HHIPL1: variants seen among roughly 807,000 people sequenced by gnomAD.
HHIPL1 encodes HHIP like 1, also known as HHIP-like protein 1.
HHIPL1 carries 43 observed loss-of-function variants against 61.8 expected under a neutral mutation model. That is an observed-to-expected ratio of 0.70 (90% CI 0.55 to 0.90). The LOEUF is 0.90. Ranked by LOEUF, HHIPL1 falls within the 40% of genes least tolerant of loss-of-function variation. The pLI is 0.00. For missense variants in HHIPL1, 1,056 were observed against 1,157.7 expected (o/e 0.91, Z 1.28); for synonymous variants, 482 against 515.8 (o/e 0.93, Z 0.89).
chr14:99,631,091 T>TCTTTCTTC, the HHIPL1 span, among the ~76,000 whole-genome samples: 431 of 146,270 alleles, frequency 2.9e-3, 2 homozygotes, highest in Non-Finnish European at 4.9e-3. Flanking sequence ...TTTCTTTCTT[T>TCTTTCTTC]CTTTCTTTCT....
chr14:99,651,129 G>GTCCCAGCTAC (rs1464525110), intron 1 of HHIPL1, among the ~76,000 whole-genome samples: 1 of 152,128 alleles, frequency 6.6e-6, no homozygotes, highest in Non-Finnish European at 1.5e-5. Flanking sequence ...CTCGCCTGTA[G>GTCCCAGCTAC]TCCCAGCTAC....
chr14:99,637,415 T>C, the HHIPL1 span, among the ~76,000 whole-genome samples: 4 of 144,792 alleles, frequency 2.8e-5, no homozygotes, highest in African/African-American at 7.4e-5. Context: ...AAAAAACAAA[T>C]AACATAATCA....
At chr14:99,674,829 A>G (rs1457941105) in intron 8 of HHIPL1, among the ~76,000 whole-genome samples, 5 of 152,136 alleles carry the variant, frequency 3.3e-5, no homozygotes, top group African/African-American at 9.7e-5. Context: ...GGCACAAAGC[A>G]GTTGATAGTG....
chr14:99,669,293 T>A, intron 7 of HHIPL1: 1 of 1,031,444 alleles, frequency 9.7e-7, no homozygotes, highest in Non-Finnish European at 1.2e-6. Flanking sequence ...TTCTCAGCCC[T>A]TAGATTTTCG....
At chr14:99,672,746 G>A (rs1371337426) in intron 8 of HHIPL1, among the ~76,000 whole-genome samples, 1 of 152,178 alleles carries the variant, frequency 6.6e-6, no homozygotes, top group East Asian at 1.9e-4. Flanking sequence ...CTGGCATATG[G>A]GCTGGGCCTT....
intron 1 of HHIPL1, among the ~76,000 whole-genome samples, chr14:99,648,060 C>T (rs146268279): frequency 1.3e-5 from 2 of 152,208 alleles, no homozygotes; most frequent in African/African-American, 4.8e-5. Context: ...TCTTCCTGAG[C>T]CTGTTAGGAG....
In HHIPL1 at chr14:99,668,793, C is replaced by A. The variant is rs1215860211; in HGVS notation, c.1730+490C>A. 1 of 1,608,756 alleles carries A rather than the reference C, an allele frequency of 6.2e-7. No individual in the cohort carries two copies. Reference sequence around the variant, plus strand: ...TTCCACTGGGGAAAACACATTGGGGCTCCCTTCGCCGGCTCCATCTCCCCG... The same window carrying A: ...TTCCACTGGGGAAAACACATTGGGGATCCCTTCGCCGGCTCCATCTCCCCG... On this transcript the variant is annotated intron_variant, in intron 7 of 8. Transcript: ENST00000330710. This position sits in a 1 kb window ranked among gnomAD's most constrained non-coding sequence, Gnocchi z 4.7.
intron 6 of HHIPL1, among the ~76,000 whole-genome samples, chr14:99,667,586 G>C (rs2056265925): frequency 6.6e-6 from 1 of 151,986 alleles, no homozygotes; most frequent in Non-Finnish European, 1.5e-5. Flanking sequence ...AGAGGGGCTA[G>C]GACCTACACT....
chr14:99,609,188 G>T, the HHIPL1 span, among the ~76,000 whole-genome samples: 4 of 152,156 alleles, frequency 2.6e-5, no homozygotes, highest in Admixed American at 2.0e-4. Context: ...CATGTCATTA[G>T]CTCAGTCTCC....
the HHIPL1 span, among the ~76,000 whole-genome samples, chr14:99,611,617 T>C: frequency 6.9e-6 from 1 of 144,642 alleles, no homozygotes; most frequent in South Asian, 2.3e-4. Flanking sequence ...AAAGAAAGAT[T>C]GGTTCTCACT....
the HHIPL1 span, among the ~76,000 whole-genome samples, chr14:99,638,014 C>T: frequency 6.6e-6 from 1 of 152,206 alleles, no homozygotes; most frequent in East Asian, 1.9e-4. Flanking sequence ...CTAAAGGGAG[C>T]GTGGTCAAAT....
intron 7 of HHIPL1, among the ~76,000 whole-genome samples, 161 bp from the exon 8 acceptor site, chr14:99,672,156 G>T (rs1268596375): frequency 1.3e-5 from 2 of 152,248 alleles, no homozygotes; most frequent in Non-Finnish European, 2.9e-5. Context: ...AATCCTGGGG[G>T]CATGGAGTGG....
At chr14:99,637,095 G>A in the HHIPL1 span, among the ~76,000 whole-genome samples, 7,517 of 61,818 alleles carry the variant, frequency 0.12, 638 homozygotes, top group African/African-American at 0.13. Flanking sequence ...AAAGAAAGAA[G>A]GAAGGAAAAA....
At chr14:99,623,123 C>A in the HHIPL1 span, among the ~76,000 whole-genome samples, 2 of 152,180 alleles carry the variant, frequency 1.3e-5, no homozygotes, top group Non-Finnish European at 2.9e-5. Context: ...GGGAAGAGCA[C>A]CCTAGGAGGA....
chr14:99,641,459 G>C (rs1422514443), upstream of HHIPL1, among the ~76,000 whole-genome samples: 1 of 150,316 alleles, frequency 6.7e-6, no homozygotes, highest in Non-Finnish European at 1.5e-5. Context: ...TGTTGCCCAG[G>C]CTGGAGAGCA....
the HHIPL1 span, among the ~76,000 whole-genome samples, chr14:99,628,791 C>G: frequency 0.053 from 8,082 of 152,132 alleles, 698 homozygotes; most frequent in African/African-American, 0.18. Flanking sequence ...GTGGCCTCAG[C>G]TCTCTTCCCC....
the HHIPL1 span, among the ~76,000 whole-genome samples, chr14:99,624,521 C>G: frequency 6.6e-6 from 1 of 152,198 alleles, no homozygotes; most frequent in East Asian, 1.9e-4. Context: ...CCAACCTAGG[C>G]ACACCCCACC....
intron 3 of HHIPL1, among the ~76,000 whole-genome samples, chr14:99,658,425 C>T (rs946112500): frequency 2.6e-5 from 4 of 152,026 alleles, no homozygotes; most frequent in African/African-American, 4.8e-5. Context: ...AGGCATATAT[C>T]GGGTGGGAGC....
the HHIPL1 span, among the ~76,000 whole-genome samples, chr14:99,631,092 C>A: frequency 6.9e-6 from 1 of 144,984 alleles, no homozygotes; most frequent in African/African-American, 2.6e-5. Context: ...TTCTTTCTTT[C>A]TTTCTTTCTT....
Sources: allele counts gnomAD v4.1 joint callset (sites outside exome capture counted in the v4.1 genomes callset), GRCh38; gene constraint gnomAD v4.1.1; non-coding constraint Gnocchi (gnomAD v3.1); transcripts MANE v1.5; gene names NCBI Gene and HGNC (gene_info 2026-07-23, HGNC 2026-07-21).